The following ADGRL3 variants were observed in gnomAD, a reference collection of about 807,000 sequenced individuals.
ADGRL3 encodes adhesion G protein-coupled receptor L3.
In ADGRL3, 62 loss-of-function variants were observed where a neutral mutation model predicts 153.5. The ratio of observed to expected loss-of-function variants is 0.40; its 90% CI spans 0.33 to 0.50. ADGRL3 has a LOEUF of 0.50. ADGRL3 is among the 20% of genes least tolerant of loss of function. The pLI is 0.47. For synonymous variants in ADGRL3, 710 were observed against 672.5 expected, an observed-to-expected ratio of 1.06 and a Z score of -0.86; for missense variants, 1,641 against 1,859.4, an observed-to-expected ratio of 0.88 and a Z score of 2.16.
At chr4:61,694,402 C>T (rs1055536726) in intron 6 of ADGRL3, among the ~76,000 whole-genome samples, 15 of 151,854 alleles carry the variant, frequency 9.9e-5, no homozygotes, top group Non-Finnish European at 4.4e-5. Flanking sequence ...GGACATATTA[C>T]AATAAAGATT....
intron 3 of ADGRL3, among the ~76,000 whole-genome samples, chr4:61,505,685 G>A (rs1466921824): frequency 6.6e-6 from 1 of 151,860 alleles, no homozygotes; most frequent in Non-Finnish European, 1.5e-5. Context: ...TCTGTAGATT[G>A]TTTTTTCTCT....
intron 4 of ADGRL3, among the ~76,000 whole-genome samples, chr4:61,550,549 A>T (rs2098735529): frequency 6.6e-6 from 1 of 152,010 alleles, no homozygotes; most frequent in African/African-American, 2.4e-5. Flanking sequence ...ATGTCCTATA[A>T]CCTTTGTGGG....
chr4:61,547,324 A>G (rs760882819), intron 4 of ADGRL3, among the ~76,000 whole-genome samples: 20 of 151,634 alleles, frequency 1.3e-4, no homozygotes, highest in Admixed American at 3.3e-4. Context: ...TCATGTAGGT[A>G]AATTGCATGT....
rs2151942547 is a variant in ADGRL3 at position 62,072,669 on chromosome 4, C to T, written c.*1761C>T. 6.6e-6 allele frequency: 1 copy of T among 152,194 alleles called. No individual in the cohort carries two copies. 9.4% of individuals were successfully genotyped at this position (152,194 alleles called of 1,614,324 possible). A position where few individuals can be genotyped will look rare whatever the true frequency, so the allele number is the denominator to read the frequency against. ...TGGGCATGTTTATTTTGGATGAAAT[C>T]AGATGCATAACTTAATGTTGAGCAG... On this transcript the variant is annotated 3_prime_UTR_variant, in exon 27 of 27. Transcript: ENST00000683033.
chr4:61,423,417 A>G (rs1292960431), intron 2 of ADGRL3, among the ~76,000 whole-genome samples: 2 of 152,238 alleles, frequency 1.3e-5, no homozygotes, highest in Non-Finnish European at 2.9e-5. Flanking sequence ...TAGGATTAAT[A>G]GAAGACAAGA....
chr4:62,006,774 G>A (rs961748204), intron 21 of ADGRL3, among the ~76,000 whole-genome samples: 11 of 151,846 alleles, frequency 7.2e-5, no homozygotes, highest in Non-Finnish European at 1.6e-4. Flanking sequence ...CAGTGAAAAT[G>A]GCATAAAGAT....
chr4:61,255,162 G>A (rs568062200), intron 1 of ADGRL3, among the ~76,000 whole-genome samples: 4 of 152,244 alleles, frequency 2.6e-5, no homozygotes, highest in East Asian at 3.9e-4. Flanking sequence ...GTCAGGGTTG[G>A]TTGATATCCC....
intron 1 of ADGRL3, among the ~76,000 whole-genome samples, chr4:61,205,085 A>G (rs1736503608): frequency 6.6e-6 from 1 of 152,186 alleles, no homozygotes; most frequent in Admixed American, 6.5e-5. Context: ...GATTTGATTT[A>G]CCATTGATTC....
chr4:61,644,238 C>T (rs1409283548), intron 5 of ADGRL3, among the ~76,000 whole-genome samples: 2 of 145,590 alleles, frequency 1.4e-5, no homozygotes, highest in Non-Finnish European at 3.0e-5. Flanking sequence ...TTCAAAAAAC[C>T]AGCTCCTGGA....
intron 11 of ADGRL3, among the ~76,000 whole-genome samples, chr4:61,906,871 T>A (rs558961194): frequency 3.3e-5 from 5 of 152,206 alleles, no homozygotes; most frequent in Non-Finnish European, 5.9e-5. Context: ...ATCATGATAA[T>A]CGATAACCTA....
At chr4:61,968,437 T>C (rs1312675142) in intron 17 of ADGRL3, among the ~76,000 whole-genome samples, 1 of 152,194 alleles carries the variant, frequency 6.6e-6, no homozygotes, top group African/African-American at 2.4e-5. Flanking sequence ...TGGAAATCTT[T>C]TTCTTTGTTC....
intron 4 of ADGRL3, among the ~76,000 whole-genome samples, chr4:61,565,390 C>A (rs1419036030): frequency 6.6e-6 from 1 of 152,054 alleles, no homozygotes; most frequent in Non-Finnish European, 1.5e-5. Flanking sequence ...TATTTAATGA[C>A]ATATTATTTT....
At chr4:61,934,755 C>T in intron 13 of ADGRL3, 85 bp from the exon 14 acceptor site, 1 of 1,031,772 alleles carries the variant, frequency 9.7e-7, no homozygotes, top group South Asian at 1.4e-5. Flanking sequence ...CTGATCCTTG[C>T]TTGCTGGGCA....
chr4:61,767,374 G>A (rs949714993), intron 8 of ADGRL3, among the ~76,000 whole-genome samples: 8 of 151,784 alleles, frequency 5.3e-5, no homozygotes, highest in African/African-American at 1.7e-4. Context: ...TTAGAAGCCT[G>A]GCCATCAATA....
chr4:61,296,431 C>T (rs2094415290), intron 1 of ADGRL3, among the ~76,000 whole-genome samples: 1 of 150,250 alleles, frequency 6.7e-6, no homozygotes, highest in Admixed American at 6.6e-5. Context: ...CATAAGAGAG[C>T]CTTTGATGCC....
chr4:61,200,698 TCGTGTGTGCG>T lies in ADGRL3; in HGVS notation c.-1298_-1289del, dbSNP rs1338764288. Among the ~76,000 whole-genome samples, 4 of 151,798 alleles carry T rather than the reference TCGTGTGTGCG, an allele frequency of 2.6e-5. No homozygotes were observed. Among genetic ancestry groups the T allele is most frequent in the African/African-American group, 7.3e-5 (3 of 41,322 alleles). On this transcript the variant is annotated 5_prime_UTR_variant, in exon 1 of 27. Coordinates refer to ENST00000683033, the MANE Select transcript of ADGRL3 (RefSeq NM_001387552.1). ...ACGGTTTGCTTTGGCAGGAGCTCGCTCGTGTGTGCGCGTGTGTGAGTGTGCGTGTCTGGAG... is the reference window on the plus strand; with the variant it reads ...ACGGTTTGCTTTGGCAGGAGCTCGCTCGTGTGTGAGTGTGCGTGTCTGGAG...
At chr4:61,972,070 T>C (rs1443039935) in intron 17 of ADGRL3, among the ~76,000 whole-genome samples, 1 of 152,008 alleles carries the variant, frequency 6.6e-6, no homozygotes, top group Non-Finnish European at 1.5e-5. Context: ...CTTTGTCAGA[T>C]GAGTAGGTTG....
At chr4:62,010,540 T>C (rs2099180860) in intron 21 of ADGRL3, among the ~76,000 whole-genome samples, 1 of 152,206 alleles carries the variant, frequency 6.6e-6, no homozygotes, top group South Asian at 2.1e-4. Flanking sequence ...TCTGGAAATA[T>C]ATTTGTGAAA....
At chr4:61,549,411 T>A (rs1346084394) in intron 4 of ADGRL3, among the ~76,000 whole-genome samples, 1 of 152,046 alleles carries the variant, frequency 6.6e-6, no homozygotes, top group Non-Finnish European at 1.5e-5. Flanking sequence ...TCAAGGGGAA[T>A]GCTTTCAGCT....
Sources: gnomAD v4.1 joint callset for allele counts (sites outside exome capture counted in the v4.1 genomes callset) on GRCh38, gnomAD v4.1.1 for gene constraint, MANE v1.5 for transcripts, NCBI Gene and HGNC (gene_info 2026-07-23, HGNC 2026-07-21) for gene names.